UST: variants seen among roughly 807,000 people sequenced by gnomAD.
UST encodes the protein uronyl 2-sulfotransferase.
Under a neutral mutation model 45.6 loss-of-function variants are expected in UST, and 21 were observed. The observed-to-expected ratio is 0.46, with a 90% CI of 0.33 to 0.66. UST has a LOEUF of 0.66. UST is among the 30% of genes least tolerant of loss of function. The pLI, the probability that UST is intolerant of heterozygous loss-of-function variation, is 0.02. For missense variants in UST, 463 were observed against 512.4 expected (o/e 0.90, Z 0.93); for synonymous variants, 215 against 200.6 (o/e 1.07, Z -0.61).
At chr6:148,929,145 G>A (rs1200221769) in intron 2 of UST, among the ~76,000 whole-genome samples, 1 of 152,168 alleles carries the variant, frequency 6.6e-6, no homozygotes, top group Non-Finnish European at 1.5e-5. Flanking sequence ...TTTGAGTGGT[G>A]GGGTACAGCA....
chr6:148,848,039 A>G (rs747208164), intron 1 of UST, among the ~76,000 whole-genome samples: 1 of 152,200 alleles, frequency 6.6e-6, no homozygotes, highest in African/African-American at 2.4e-5. Flanking sequence ...AAATTTGCTT[A>G]TCTGGAATGG....
intron 2 of UST, among the ~76,000 whole-genome samples, chr6:148,920,342 C>G (rs1582898763): frequency 6.6e-6 from 1 of 152,090 alleles, no homozygotes; most frequent in Admixed American, 6.5e-5. Context: ...TGAGACAGAT[C>G]TTGCTGATGT....
chr6:149,040,948 C>T (rs1306197396), intron 7 of UST, among the ~76,000 whole-genome samples: 1 of 152,198 alleles, frequency 6.6e-6, no homozygotes, highest in Non-Finnish European at 1.5e-5. Flanking sequence ...TGCGTGACAT[C>T]CTCCTCCTTG....
At chr6:148,913,794 TGAC>T (rs894413924) in intron 2 of UST, among the ~76,000 whole-genome samples, 28 of 152,230 alleles carry the variant, frequency 1.8e-4, no homozygotes, top group East Asian at 1.7e-3. Flanking sequence ...AGAGTTTTAT[TGAC>T]TATTGTCTTT....
At chr6:148,849,358 A>G (rs903091006) in intron 1 of UST, among the ~76,000 whole-genome samples, 10 of 152,310 alleles carry the variant, frequency 6.6e-5, no homozygotes, top group South Asian at 4.1e-4. Context: ...AATCATCCCA[A>G]TGAAGTAGAA....
chr6:148,793,131 T>C (rs1776882457), intron 1 of UST, among the ~76,000 whole-genome samples: 2 of 152,158 alleles, frequency 1.3e-5, no homozygotes, highest in Admixed American at 1.3e-4. Flanking sequence ...GAAACAAGAT[T>C]ATAGTGATGG....
intron 7 of UST, among the ~76,000 whole-genome samples, chr6:149,047,278 G>A (rs1776409451): frequency 6.6e-6 from 1 of 152,174 alleles, no homozygotes; most frequent in African/African-American, 2.4e-5. Context: ...CTTAGACATA[G>A]TTTGCTAGTA....
In UST at chr6:148,748,568, C is replaced by T. The variant is rs1472195968; in HGVS notation, c.247+891C>T. ...CCCCGCAGCTCCCTCGTCTCGGCTG[C>T]GGGAGCCAGGGGTGCCAGGGACAGG... On this transcript the variant is annotated intron_variant, in intron 1 of 7. Transcript: ENST00000367463. The surrounding 1 kb of genome is among the most constrained non-coding windows in gnomAD (Gnocchi z 5.3). 2.0e-5 allele frequency among the ~76,000 whole-genome samples: 3 copies of T among 152,024 alleles called. No homozygotes were observed. Among genetic ancestry groups the T allele is most frequent in the Non-Finnish European group, 4.4e-5 (3 of 67,998 alleles).
intron 3 of UST, among the ~76,000 whole-genome samples, chr6:148,949,294 A>T (rs1780312535): frequency 3.1e-5 from 1 of 31,802 alleles, no homozygotes; most frequent in African/African-American, 1.0e-4. Context: ...TCGTCTCAAA[A>T]TAATAATAAT....
chr6:149,054,414 A>G (rs1464372467), intron 7 of UST, among the ~76,000 whole-genome samples: 2 of 152,234 alleles, frequency 1.3e-5, no homozygotes, highest in Non-Finnish European at 2.9e-5. Context: ...GTTCAACCAC[A>G]TCATCTTGCA....
chr6:149,045,281 G>T (rs1776381739), intron 7 of UST, among the ~76,000 whole-genome samples: 1 of 152,122 alleles, frequency 6.6e-6, no homozygotes, highest in Non-Finnish European at 1.5e-5. Flanking sequence ...TTGCTCCTGT[G>T]TTCCTTATTT....
At position 148,799,138 on chromosome 6, in the gene UST, G is replaced by A. The variant is rs529051258; in HGVS notation, c.247+51461G>A. The stretch of plus-strand genomic sequence containing the variant: ...ACCTGCCTTGGCCTCCCAAAGTGCT[G>A]GGATTACAGGCATGAGCCACCGCAT... On this transcript the variant is annotated intron_variant, in intron 1 of 7. Transcript: ENST00000367463. Among the ~76,000 whole-genome samples, 14 of 152,266 alleles carry A rather than the reference G, an allele frequency of 9.2e-5. No homozygotes were observed. The South Asian group carries it at 2.9e-3, about 32-fold the overall frequency.
chr6:149,010,741 A>C (rs1319638756), intron 5 of UST, among the ~76,000 whole-genome samples: 1 of 151,802 alleles, frequency 6.6e-6, no homozygotes. Context: ...AAAAATACAA[A>C]AATTAGCCGG....
chr6:148,864,232 A>G (rs113527982), intron 1 of UST, among the ~76,000 whole-genome samples: 2,041 of 152,210 alleles, frequency 0.013, 30 homozygotes, highest in Admixed American at 0.025. Flanking sequence ...CCTGGCTGCC[A>G]CCTCGCAGTT....
At chr6:148,826,724 G>A (rs1329163270) in intron 1 of UST, among the ~76,000 whole-genome samples, 2 of 152,060 alleles carry the variant, frequency 1.3e-5, no homozygotes, top group Admixed American at 1.3e-4. Context: ...AAAATCAAGG[G>A]GCCAGGAGGG....
intron 3 of UST, among the ~76,000 whole-genome samples, chr6:148,950,557 C>G (rs1780345105): frequency 6.6e-6 from 1 of 152,224 alleles, no homozygotes; most frequent in Non-Finnish European, 1.5e-5. Context: ...CTGATCCCAT[C>G]TCGGATCACT....
At chr6:148,971,161 A>T (rs1288946645) in intron 5 of UST, among the ~76,000 whole-genome samples, 1 of 152,164 alleles carries the variant, frequency 6.6e-6, no homozygotes, top group Non-Finnish European at 1.5e-5. Flanking sequence ...GCATTCTACT[A>T]TGCAGTGGCA....
chr6:148,822,652 T>C (rs1777489104), intron 1 of UST, among the ~76,000 whole-genome samples: 1 of 152,182 alleles, frequency 6.6e-6, no homozygotes, highest in South Asian at 2.1e-4. Flanking sequence ...AATATCTCTG[T>C]CGGGGAATAT....
chr6:148,973,303 C>G (rs529848679), intron 5 of UST, among the ~76,000 whole-genome samples: 1 of 152,152 alleles, frequency 6.6e-6, no homozygotes, highest in Non-Finnish European at 1.5e-5. Context: ...GGAAGCCATG[C>G]TTTAAACAGT....
Sources: gnomAD v4.1 joint callset for allele counts (sites outside exome capture counted in the v4.1 genomes callset) on GRCh38, gnomAD v4.1.1 for gene constraint, Gnocchi (gnomAD v3.1) non-coding constraint, MANE v1.5 for transcripts, NCBI Gene and HGNC (gene_info 2026-07-23, HGNC 2026-07-21) for gene names.